B4GALNT3: variants seen among roughly 807,000 people sequenced by gnomAD.
B4GALNT3 encodes the protein beta-1,4-N-acetylgalactosaminyltransferase 3.
A neutral mutation model predicts 120.2 loss-of-function variants in B4GALNT3; 86 were observed. That is an observed-to-expected ratio of 0.72 (90% CI 0.60 to 0.86). B4GALNT3 has a LOEUF of 0.86. B4GALNT3 is among the 40% of genes least tolerant of loss of function. B4GALNT3 has a pLI of 0.00. For missense variants in B4GALNT3, 1,167 were observed against 1,298.9 expected, an observed-to-expected ratio of 0.90 and a Z score of 1.56; for synonymous variants, 518 against 510.4, an observed-to-expected ratio of 1.01 and a Z score of -0.20.
chr12:527,807 C>T (rs1202527965), intron 1 of B4GALNT3, among the ~76,000 whole-genome samples: 1 of 152,158 alleles, frequency 6.6e-6, no homozygotes. Flanking sequence ...TCCAATTCTC[C>T]AGCTGTTTGG....
Position 514,237 on chromosome 12 carries a change from C to G in B4GALNT3, c.170-20929C>G, listed in dbSNP as rs867440391. ...TTTTGAGACGGAGTCTCGCTCTGTC[C>G]CCCAGGCTGGAGTGCAGTGGCGCGA... On this transcript the variant is annotated intron_variant, in intron 1 of 19. Transcript: ENST00000266383. 9.6e-4 allele frequency among the ~76,000 whole-genome samples: 145 copies of G among 150,774 alleles called. 1 individual carries two copies. In the Middle Eastern group the frequency reaches 0.031, roughly 32 times the overall value.
At chr12:519,078 A>G (rs568558521) in intron 1 of B4GALNT3, among the ~76,000 whole-genome samples, 1 of 152,356 alleles carries the variant, frequency 6.6e-6, no homozygotes, top group South Asian at 2.1e-4. Context: ...TTCAAAATAA[A>G]TGTCAGACTG....
In B4GALNT3 at chr12:556,817, T is replaced by C; in HGVS notation, c.2331T>C (p.Pro777=). 1.2e-6 allele frequency: 2 copies of C among 1,613,346 alleles called. No individual in the cohort carries two copies. Among genetic ancestry groups the C allele is most frequent in the Non-Finnish European group, 1.7e-6 (2 of 1,179,656 alleles). The change falls in exon 15 of 20, where the codon CCT becomes CCC. Residue 777 remains proline (P), a synonymous_variant. Transcript: ENST00000266383. ...CCCAAGAGCCCAAGCTGTGCTGGCCTCAGGGTTTCTCCTGGAGTCACCGAG... is the reference window on the plus strand; with the variant it reads ...CCCAAGAGCCCAAGCTGTGCTGGCCCCAGGGTTTCTCCTGGAGTCACCGAG... ...TRAQEPKLCW[P]QGFSWSHRAV...
chr12:546,774 G>C, intron 7 of B4GALNT3, 61 bp downstream of exon 7: 1 of 1,465,232 alleles, frequency 6.8e-7, no homozygotes, highest in East Asian at 2.5e-5. Context: ...GCCCGGCTGC[G>C]CCCCTGTCCG....
rs1001298997 is a variant in B4GALNT3, at chr12:460,734, A to G, written c.169+189A>G. ...CGGGGGAAGCCGCGGGGCCGAGCGC[A>G]GAATTCCCGAGCCCGGGCCTGCCCG... On this transcript the variant is annotated intron_variant, in intron 1 of 19. Coordinates refer to ENST00000266383, the MANE Select transcript of B4GALNT3 (RefSeq NM_173593.4). The surrounding 1 kb of genome is among the most constrained non-coding windows in gnomAD (Gnocchi z 8.0). Among the ~76,000 whole-genome samples, 1 of 152,034 alleles carries G rather than the reference A, an allele frequency of 6.6e-6. No individual in the cohort carries two copies. The highest frequency in any genetic ancestry group is 2.4e-5 in the African/African-American group (1 of 41,422).
At chr12:556,481 C>T (rs993359079) in intron 14 of B4GALNT3, 66 bp from the exon 15 acceptor site, 2 of 1,465,716 alleles carry the variant, frequency 1.4e-6, no homozygotes, top group Non-Finnish European at 1.9e-6. Flanking sequence ...GCAGGCTTCT[C>T]ACACACCGTG....
rs11513719 is a variant in B4GALNT3, at chr12:491,475, G to A, written c.169+30930G>A. Among the ~76,000 whole-genome samples the A allele has an allele frequency of 7.3e-3, 1,112 of 151,770 alleles. 13 individuals are homozygous for A. Among genetic ancestry groups the A allele is most frequent in the Middle Eastern group, 0.01 (3 of 294 alleles). On this transcript the variant is annotated intron_variant, in intron 1 of 19. Coordinates refer to ENST00000266383, the MANE Select transcript of B4GALNT3 (RefSeq NM_173593.4). ...CTTCTGAGTAGCTGAGATTACAGGC[G>A]TGCACCATCATGCCCAGCTAATTTT...
chr12:485,360 T>C (rs1946281829), intron 1 of B4GALNT3, among the ~76,000 whole-genome samples: 1 of 152,178 alleles, frequency 6.6e-6, no homozygotes, highest in Non-Finnish European at 1.5e-5. Context: ...TCAGGCTCAG[T>C]AGATATGTGA....
chr12:544,996 T>C lies in B4GALNT3; in HGVS notation c.538+24T>C, dbSNP rs1243759024. ...TGGTGAGGCCAGCCCCAAAACCCCA[T>C]CCTTCTTCCTGCTCTAGAGTTCTGC... On this transcript the variant is annotated intron_variant, in intron 5 of 19. Transcript: ENST00000266383. 3.7e-6 allele frequency: 6 copies of C among 1,609,338 alleles called. No homozygotes were observed. The Admixed American group carries it at 1.0e-4, about 27-fold the overall frequency.
At position 548,052 on chromosome 12, in the gene B4GALNT3, G is replaced by A. The variant is rs764439974; in HGVS notation, c.736G>A (p.Glu246Lys). 1.2e-6 allele frequency: 2 copies of A among 1,613,712 alleles called. No homozygotes were observed. Among genetic ancestry groups the A allele is most frequent in the Admixed American group, 1.7e-5 (1 of 59,984 alleles). Residue 246 changes from glutamate to lysine, a missense_variant, in exon 8 of 20, where the codon GAG becomes AAG. By Grantham distance (56) the Glu-to-Lys change is moderately conservative. Around this residue, in one of 3 missense-constraint regions of B4GALNT3, gnomAD observed 983 missense variants for 1,102.5 expected, o/e 0.89. Transcript: ENST00000266383. The surrounding 1 kb of genome is among the most constrained non-coding windows in gnomAD (Gnocchi z 4.9). The stretch of plus-strand genomic sequence containing the variant: ...GTCAGCCTCCCACAGGTACTACTTC[G>A]AGGTGCTGCACAAGCAGAATGAGGA... ...SLSASHRYYF[E>K]VLHKQNEEGT...
chr12:482,399 T>C (rs1267098056), intron 1 of B4GALNT3, among the ~76,000 whole-genome samples: 1 of 152,196 alleles, frequency 6.6e-6, no homozygotes, highest in Non-Finnish European at 1.5e-5. Context: ...GAATCTGTGC[T>C]CTCCTTTTAC....
rs1947067439 is a variant in B4GALNT3 at position 550,471 on chromosome 12, A to G, written c.998-451A>G. On this transcript the variant is annotated intron_variant, in intron 10 of 19. Transcript: ENST00000266383. This position sits in a 1 kb window ranked among gnomAD's most constrained non-coding sequence, Gnocchi z 4.1. ...ACCACTGCACTCCAGCCTGGGTGAC[A>G]GAGTGAGATCCTGTCAAAAAAAACA... Among the ~76,000 whole-genome samples the G allele has an allele frequency of 6.6e-6, 1 of 152,158 alleles. No individual in the cohort carries two copies. Among genetic ancestry groups the G allele is most frequent in the Admixed American group, 6.5e-5 (1 of 15,270 alleles).
intron 1 of B4GALNT3, among the ~76,000 whole-genome samples, chr12:472,941 T>C (rs1946151213): frequency 6.6e-6 from 1 of 152,002 alleles, no homozygotes. Context: ...TTTTCTTTTT[T>C]TCATCCACTG....
intron 1 of B4GALNT3, among the ~76,000 whole-genome samples, chr12:499,678 G>A (rs1472714994): frequency 7.0e-6 from 1 of 142,440 alleles, no homozygotes. Flanking sequence ...CTAGCCCGTG[G>A]AGCCCGTGCT....
Position 543,702 on chromosome 12 carries a change from G to A in B4GALNT3, c.352-637G>A, listed in dbSNP as rs1384633486. ...CTTCCTGGAGCTGAGGAGCTGGGAC[G>A]GGCATGGGGTGCTCATCCTCCTGGA... is the stretch of plus-strand genomic sequence containing the variant. On this transcript the variant is annotated intron_variant, in intron 3 of 19. Transcript: ENST00000266383. Among the ~76,000 whole-genome samples the A allele has an allele frequency of 2.2e-4, 15 of 68,742 alleles. 1 individual carries two copies. The highest frequency in any genetic ancestry group is 4.0e-4 in the Non-Finnish European group (14 of 35,036). 45.1% of individuals were successfully genotyped at this position (68,742 alleles called of 152,430 possible).
rs1592053871 is a variant in B4GALNT3, at chr12:548,235, G to A, written c.791G>A (p.Arg264Gln). ...EGTDHVEVAWRRNDPGAKFTI... is the reference protein window; with the variant it reads ...EGTDHVEVAWQRNDPGAKFTI... The stretch of plus-strand genomic sequence containing the variant: ...ACCCTCTCTCTCCTCTTCCAGTGGC[G>A]ACGGAACGACCCTGGAGCCAAGTTC... The change falls in exon 9 of 20, where the codon CGA becomes CAA. Residue 264 changes from arginine to glutamine, a missense_variant. Around this residue, in one of 3 missense-constraint regions of B4GALNT3, gnomAD observed 983 missense variants for 1,102.5 expected, o/e 0.89. Coordinates refer to ENST00000266383, the MANE Select transcript of B4GALNT3 (RefSeq NM_173593.4). This position sits in a 1 kb window ranked among gnomAD's most constrained non-coding sequence, Gnocchi z 4.9. 3.7e-6 allele frequency: 6 copies of A among 1,614,006 alleles called. No homozygotes were observed. The highest frequency in any genetic ancestry group is 1.6e-4 in the Middle Eastern group (1 of 6,062).
intron 6 of B4GALNT3, among the ~76,000 whole-genome samples, chr12:546,132 AG>A (rs1381190370): frequency 7.3e-6 from 1 of 136,112 alleles, no homozygotes; most frequent in Admixed American, 7.4e-5. Context: ...AAAAGCGGGA[AG>A]GAGTCGGGAA....
chr12:483,910 T>G (rs1349838491), intron 1 of B4GALNT3, among the ~76,000 whole-genome samples: 3 of 151,954 alleles, frequency 2.0e-5, no homozygotes, highest in Non-Finnish European at 4.4e-5. Context: ...GAGGGGCGAG[T>G]TGACTTGCAC....
intron 1 of B4GALNT3, among the ~76,000 whole-genome samples, chr12:487,819 A>G (rs529956938): frequency 1.3e-5 from 2 of 151,940 alleles, no homozygotes; most frequent in South Asian, 4.2e-4. Flanking sequence ...TTAGCCAGGC[A>G]TGGTGACATG....
Sources: gnomAD v4.1 joint callset for allele counts (sites outside exome capture counted in the v4.1 genomes callset) on GRCh38, gnomAD v4.1.1 for gene constraint, gnomAD v4.1.1 regional missense constraint, Gnocchi (gnomAD v3.1) non-coding constraint, MANE v1.5 for transcripts, NCBI Gene and HGNC (gene_info 2026-07-23, HGNC 2026-07-21) for gene names.